The following ANKS1B variants were observed in gnomAD, a reference collection of about 807,000 sequenced individuals.
ANKS1B encodes the protein ankyrin repeat and sterile alpha motif domain-containing protein 1B.
In ANKS1B, 36 loss-of-function variants were observed where a neutral mutation model predicts 148.3. The ratio of observed to expected loss-of-function variants is 0.24; its 90% CI spans 0.19 to 0.32. The LOEUF is 0.32. Ranked by LOEUF, ANKS1B falls within the 10% of genes least tolerant of loss-of-function variation. The pLI is 1.00. For synonymous variants in ANKS1B, 542 were observed against 560.8 expected, an observed-to-expected ratio of 0.97 and a Z score of 0.47; for missense variants, 1,157 against 1,542.6, an observed-to-expected ratio of 0.75 and a Z score of 4.19.
chr12:99,625,238 G>A (rs902174626), intron 9 of ANKS1B, among the ~76,000 whole-genome samples: 5 of 152,000 alleles, frequency 3.3e-5, no homozygotes, highest in Admixed American at 2.0e-4. Context: ...ACACTGGGGA[G>A]GGAAGGAGAG....
intron 17 of ANKS1B, among the ~76,000 whole-genome samples, chr12:98,946,456 T>C (rs1305930269): frequency 6.6e-6 from 1 of 152,232 alleles, no homozygotes; most frequent in Admixed American, 6.5e-5. Context: ...CAGGCACTGC[T>C]TTAAGCAATG....
chr12:99,825,000 C>T (rs2082996481), intron 2 of ANKS1B, among the ~76,000 whole-genome samples: 1 of 152,144 alleles, frequency 6.6e-6, no homozygotes, highest in Admixed American at 6.5e-5. Flanking sequence ...GGGGTGTTAT[C>T]AAGTGGTTTT....
chr12:99,657,094 T>C (rs908513518), intron 8 of ANKS1B, among the ~76,000 whole-genome samples: 20 of 152,184 alleles, frequency 1.3e-4, no homozygotes, highest in Non-Finnish European at 1.8e-4. Flanking sequence ...ACTGTTAGAC[T>C]GAGAACTTAC....
chr12:99,438,077 T>C (rs1423855694), intron 11 of ANKS1B, among the ~76,000 whole-genome samples: 5 of 151,914 alleles, frequency 3.3e-5, no homozygotes, highest in Non-Finnish European at 5.9e-5. Flanking sequence ...TTTTTCTTTA[T>C]ATCCACAGTA....
At chr12:99,723,403 C>A (rs2058299570) in intron 8 of ANKS1B, among the ~76,000 whole-genome samples, 1 of 152,090 alleles carries the variant, frequency 6.6e-6, no homozygotes, top group African/African-American at 2.4e-5. Flanking sequence ...CCTCTTCAGG[C>A]CTGACACTGA....
chr12:99,603,465 T>C (rs1488392211), intron 9 of ANKS1B, among the ~76,000 whole-genome samples: 1 of 152,092 alleles, frequency 6.6e-6, no homozygotes, highest in Non-Finnish European at 1.5e-5. Context: ...CAAAGCGGGC[T>C]TTATTGGCTC....
intron 25 of ANKS1B, among the ~76,000 whole-genome samples, chr12:98,760,188 G>A (rs1032870020): frequency 6.6e-6 from 1 of 151,760 alleles, no homozygotes; most frequent in Admixed American, 6.6e-5. Context: ...GATTAATGAT[G>A]TTTACAGTCA....
intron 9 of ANKS1B, among the ~76,000 whole-genome samples, chr12:99,613,936 T>A (rs749906663): frequency 3.9e-5 from 6 of 151,938 alleles, no homozygotes; most frequent in Admixed American, 6.6e-5. Flanking sequence ...CAAATTAAAT[T>A]TACCCTATCC....
chr12:99,159,930 A>G (rs774342832), intron 14 of ANKS1B, among the ~76,000 whole-genome samples: 2 of 152,176 alleles, frequency 1.3e-5, no homozygotes, highest in Non-Finnish European at 2.9e-5. Context: ...GACTGGTGAG[A>G]AATGGTATCT....
intron 12 of ANKS1B, among the ~76,000 whole-genome samples, chr12:99,369,784 A>C (rs1161161768): frequency 1.1e-4 from 16 of 144,282 alleles, no homozygotes; most frequent in African/African-American, 2.4e-4. Flanking sequence ...ATAGATAGAT[A>C]GATAGATGGA....
At chr12:99,566,010 A>G (rs767158700) in intron 9 of ANKS1B, among the ~76,000 whole-genome samples, 96 of 152,272 alleles carry the variant, frequency 6.3e-4, no homozygotes, top group Middle Eastern at 3.4e-3. Flanking sequence ...GAGCCTTTGT[A>G]CTGAATACGC....
chr12:99,064,854 GA>G lies in ANKS1B; in HGVS notation c.2626-11546del, dbSNP rs150509743. Among the ~76,000 whole-genome samples, 108 of 152,300 alleles carry G rather than the reference GA, an allele frequency of 7.1e-4. 2 individuals are homozygous for G. The East Asian group carries it at 0.02, about 28-fold the overall frequency. ...CCTCTCCCTGAAGCTTTGCGTAAAAGAGGTGTTTTTAAAAATTTAATAAGAG... is the reference window on the plus strand; with the variant it reads ...CCTCTCCCTGAAGCTTTGCGTAAAAGGGTGTTTTTAAAAATTTAATAAGAG... On this transcript the variant is annotated intron_variant, in intron 16 of 26. Transcript: ENST00000683438.
At chr12:99,021,492 G>A (rs1456658832) in intron 17 of ANKS1B, among the ~76,000 whole-genome samples, 1 of 152,118 alleles carries the variant, frequency 6.6e-6, no homozygotes, top group Non-Finnish European at 1.5e-5. Context: ...AGAGGCATCA[G>A]TAGTTTCTGG....
intron 16 of ANKS1B, among the ~76,000 whole-genome samples, chr12:99,079,200 C>A (rs1236569565): frequency 1.3e-5 from 2 of 152,162 alleles, no homozygotes; most frequent in African/African-American, 4.8e-5. Context: ...TCCTGACCCA[C>A]AGAAATTGGG....
intron 14 of ANKS1B, among the ~76,000 whole-genome samples, chr12:99,235,575 T>C (rs1392965288): frequency 1.3e-5 from 2 of 152,138 alleles, no homozygotes; most frequent in East Asian, 3.8e-4. Context: ...GCTAGGCTGG[T>C]TCGTTGGGTT....
At chr12:99,228,705 C>G (rs1255212722) in intron 14 of ANKS1B, among the ~76,000 whole-genome samples, 1 of 151,884 alleles carries the variant, frequency 6.6e-6, no homozygotes, top group Admixed American at 6.6e-5. Context: ...AACAAAAGAA[C>G]ATATTATTTT....
chr12:99,472,586 T>C (rs1389654529), intron 10 of ANKS1B, among the ~76,000 whole-genome samples: 2 of 152,100 alleles, frequency 1.3e-5, no homozygotes, highest in African/African-American at 2.4e-5. Context: ...ATACATAGAG[T>C]TCCACTTTAT....
chr12:99,530,558 A>T (rs888517782), intron 9 of ANKS1B, among the ~76,000 whole-genome samples: 2 of 152,194 alleles, frequency 1.3e-5, no homozygotes, highest in Non-Finnish European at 2.9e-5. Flanking sequence ...AAGTTGTACC[A>T]CTGTATTAAA....
intron 1 of ANKS1B, among the ~76,000 whole-genome samples, chr12:99,979,402 T>G (rs1224704917): frequency 6.6e-6 from 1 of 152,146 alleles, no homozygotes; most frequent in Non-Finnish European, 1.5e-5. Context: ...CACAAGATAA[T>G]TTTCTATGAT....
Sources: allele counts gnomAD v4.1 joint callset (sites outside exome capture counted in the v4.1 genomes callset), GRCh38; gene constraint gnomAD v4.1.1; transcripts MANE v1.5; gene names NCBI Gene and HGNC (gene_info 2026-07-23, HGNC 2026-07-21).